Variants in NELL1 observed in about 807,000 individuals in gnomAD.
NELL1 encodes the protein protein kinase C-binding protein NELL1.
In NELL1, 76 loss-of-function variants were observed where a neutral mutation model predicts 107.4. That is an observed-to-expected ratio of 0.71 (90% CI 0.59 to 0.86). The LOEUF (loss-of-function observed/expected upper bound fraction) is 0.86, where lower values mean the gene tolerates loss of function less well. Among genes scored for constraint, NELL1 ranks in the 40% least tolerant of loss-of-function variants. The pLI, the probability that NELL1 is intolerant of heterozygous loss-of-function variation, is 0.00. For synonymous variants in NELL1, 353 were observed against 341.2 expected, an observed-to-expected ratio of 1.03 and a Z score of -0.38; for missense variants, 1,024 against 1,005.5, an observed-to-expected ratio of 1.02 and a Z score of -0.25.
At chr11:20,875,287 A>C (rs1224249585) in intron 4 of NELL1, among the ~76,000 whole-genome samples, 2 of 152,004 alleles carry the variant, frequency 1.3e-5, no homozygotes, top group Non-Finnish European at 2.9e-5. Context: ...TCCGTGTGAA[A>C]TTTCATCTGA....
intron 12 of NELL1, among the ~76,000 whole-genome samples, chr11:20,976,084 C>T (rs527527790): frequency 7.0e-6 from 1 of 142,256 alleles, no homozygotes; most frequent in Non-Finnish European, 1.5e-5. Flanking sequence ...GTATTATATA[C>T]ATTACATTTA....
At position 20,905,725 on chromosome 11, in the gene NELL1, A is replaced by C. The variant is rs142660822; in HGVS notation, c.604-12457A>C. Reference sequence around the variant, plus strand: ...ACTTAAAGATAAGATCATTGAAATTAACAAGGCTGTGGAGCAAAAAGAAAA... The same window carrying C: ...ACTTAAAGATAAGATCATTGAAATTCACAAGGCTGTGGAGCAAAAAGAAAA... On this transcript the variant is annotated intron_variant, in intron 5 of 19. Coordinates refer to ENST00000357134, the MANE Select transcript of NELL1 (RefSeq NM_006157.5). Among the ~76,000 whole-genome samples, 139 of 152,242 alleles carry C rather than the reference A, an allele frequency of 9.1e-4. 2 individuals carry two copies. In the East Asian group the frequency reaches 0.015, roughly 16 times the overall value.
Position 20,669,875 on chromosome 11 carries a change from C to T in NELL1, c.55+97C>T, listed in dbSNP as rs1853852652. 1.3e-5 allele frequency: 13 copies of T among 1,023,012 alleles called. No homozygotes were observed. The highest frequency in any genetic ancestry group is 7.1e-5 in the Admixed American group (4 of 56,570). 63.4% of individuals were successfully genotyped at this position (1,023,012 alleles called of 1,614,324 possible). ...ACCTGGAGCCGAGCTTTGCGCTGGTCTGGGGAACGGCGGTAGCGTGGACCG... is the reference window on the plus strand; with the variant it reads ...ACCTGGAGCCGAGCTTTGCGCTGGTTTGGGGAACGGCGGTAGCGTGGACCG... On this transcript the variant is annotated intron_variant, in intron 1 of 19. Transcript: ENST00000357134. The surrounding 1 kb of genome is among the most constrained non-coding windows in gnomAD (Gnocchi z 4.4).
intron 13 of NELL1, among the ~76,000 whole-genome samples, chr11:21,202,179 T>C (rs1437185367): frequency 6.6e-6 from 1 of 152,330 alleles, no homozygotes; most frequent in East Asian, 1.9e-4. Context: ...TTCTGTTGTT[T>C]GGAATAGTTC....
At chr11:21,456,537 TA>T (rs1257119007) in intron 15 of NELL1, among the ~76,000 whole-genome samples, 1 of 151,832 alleles carries the variant, frequency 6.6e-6, no homozygotes, top group African/African-American at 2.4e-5. Flanking sequence ...AGTGAAAAAG[TA>T]TTTTTTTTTG....
chr11:20,858,649 A>C (rs1328479042), intron 4 of NELL1, among the ~76,000 whole-genome samples: 1 of 152,186 alleles, frequency 6.6e-6, no homozygotes, highest in Non-Finnish European at 1.5e-5. Flanking sequence ...CTGAAGGCAG[A>C]GGGAACAGAA....
rs181940842 is a variant in NELL1 at position 20,894,994 on chromosome 11, G to A, written c.603+9454G>A. 4.8e-3 allele frequency among the ~76,000 whole-genome samples: 689 copies of A among 143,530 alleles called. 54 individuals are homozygous for A. Among genetic ancestry groups the A allele is most frequent in the African/African-American group, 0.019 (646 of 33,580 alleles). The allele number at this position is 143,530 out of a possible 152,430, so 94.2% of individuals were successfully genotyped here. A position where few individuals can be genotyped will look rare whatever the true frequency, so the allele number is the denominator to read the frequency against. ...AACATTGAAATTATTCCCTCTGGCCGGGCGCGGTGGCTCACGCCTGTAATC... is the reference window on the plus strand; with the variant it reads ...AACATTGAAATTATTCCCTCTGGCCAGGCGCGGTGGCTCACGCCTGTAATC... On this transcript the variant is annotated intron_variant, in intron 5 of 19. Coordinates refer to ENST00000357134, the MANE Select transcript of NELL1 (RefSeq NM_006157.5).
At chr11:20,851,197 C>T (rs909184329) in intron 4 of NELL1, among the ~76,000 whole-genome samples, 4 of 152,152 alleles carry the variant, frequency 2.6e-5, no homozygotes, top group Admixed American at 1.3e-4. Flanking sequence ...GGCAGGATTT[C>T]GCACATTATT....
chr11:21,120,880 TTTC>T (rs1310426884), intron 13 of NELL1, among the ~76,000 whole-genome samples: 32 of 152,268 alleles, frequency 2.1e-4, no homozygotes, highest in African/African-American at 7.2e-4. Flanking sequence ...TCTCTCTTTT[TTTC>T]TTCCTTTCAT....
chr11:21,500,902 A>C (rs1005021492), intron 15 of NELL1, among the ~76,000 whole-genome samples: 3 of 152,122 alleles, frequency 2.0e-5, no homozygotes, highest in African/African-American at 7.2e-5. Flanking sequence ...ACTCAAACTC[A>C]TATTTTCCAA....
intron 12 of NELL1, among the ~76,000 whole-genome samples, chr11:21,066,630 G>C (rs986103371): frequency 6.6e-6 from 1 of 152,108 alleles, no homozygotes; most frequent in African/African-American, 2.4e-5. Flanking sequence ...AAGTATTCTA[G>C]GTACTGAGTA....
chr11:21,493,644 A>G (rs1854893813), intron 15 of NELL1, among the ~76,000 whole-genome samples: 1 of 152,008 alleles, frequency 6.6e-6, no homozygotes, highest in Admixed American at 6.6e-5. Flanking sequence ...AGTGAATACA[A>G]ACATATAGTT....
intron 2 of NELL1, among the ~76,000 whole-genome samples, chr11:20,745,227 T>G (rs1158111680): frequency 6.6e-6 from 1 of 152,166 alleles, no homozygotes; most frequent in African/African-American, 2.4e-5. Flanking sequence ...TAAATATTTG[T>G]TTTTTGTCCA....
chr11:20,816,216 G>A (rs77511516), intron 3 of NELL1, among the ~76,000 whole-genome samples: 1,623 of 152,138 alleles, frequency 0.011, 38 homozygotes, highest in African/African-American at 0.037. Flanking sequence ...TAGGAATAGC[G>A]TTGAATCTGT....
chr11:20,761,041 G>A (rs1384574425), intron 2 of NELL1, among the ~76,000 whole-genome samples: 1 of 152,154 alleles, frequency 6.6e-6, no homozygotes, highest in Non-Finnish European at 1.5e-5. Flanking sequence ...TTATTTATCT[G>A]CCAAAGATTC....
intron 15 of NELL1, among the ~76,000 whole-genome samples, chr11:21,407,148 G>T (rs1213686011): frequency 2.0e-5 from 3 of 151,986 alleles, no homozygotes; most frequent in Non-Finnish European, 4.4e-5. Context: ...GGTCATGGTG[G>T]CTCATACCTG....
intron 2 of NELL1, among the ~76,000 whole-genome samples, chr11:20,735,934 T>C (rs1453041666): frequency 1.3e-5 from 2 of 152,026 alleles, no homozygotes; most frequent in Non-Finnish European, 2.9e-5. Flanking sequence ...GGGTTGCTAA[T>C]TGCAGGAAGG....
At chr11:21,169,042 C>T (rs903169069) in intron 13 of NELL1, among the ~76,000 whole-genome samples, 2 of 151,890 alleles carry the variant, frequency 1.3e-5, no homozygotes, top group African/African-American at 4.9e-5. Flanking sequence ...GCTACTATTG[C>T]ATAATTCTTA....
chr11:20,701,926 T>C (rs1854801859), intron 2 of NELL1, among the ~76,000 whole-genome samples: 1 of 152,160 alleles, frequency 6.6e-6, no homozygotes, highest in South Asian at 2.1e-4. Context: ...GTAGTATAGT[T>C]TGAAGTAAGG....
Sources: gnomAD v4.1 joint callset for allele counts (sites outside exome capture counted in the v4.1 genomes callset) on GRCh38, gnomAD v4.1.1 for gene constraint, Gnocchi (gnomAD v3.1) non-coding constraint, MANE v1.5 for transcripts, NCBI Gene and HGNC (gene_info 2026-07-23, HGNC 2026-07-21) for gene names.